The following CAMK1D variants were observed in gnomAD, a reference collection of about 807,000 sequenced individuals.
CAMK1D encodes calcium/calmodulin-dependent protein kinase type 1D.
In CAMK1D, 9 loss-of-function variants were observed where a neutral mutation model predicts 47.7. The observed-to-expected ratio is 0.19, with a 90% CI of 0.11 to 0.33. The LOEUF (loss-of-function observed/expected upper bound fraction) is 0.33. Ranked by LOEUF, CAMK1D falls within the 10% of genes least tolerant of loss-of-function variation. CAMK1D has a pLI of 1.00. For synonymous variants in CAMK1D, 184 were observed against 184.9 expected, an observed-to-expected ratio of 0.99 and a Z score of 0.04; for missense variants, 291 against 488.7, an observed-to-expected ratio of 0.60 and a Z score of 3.81.
intron 1 of CAMK1D, among the ~76,000 whole-genome samples, chr10:12,531,654 G>A (rs965094411): frequency 6.6e-6 from 1 of 152,200 alleles, no homozygotes; most frequent in Non-Finnish European, 1.5e-5. Flanking sequence ...TCACTCCTTC[G>A]AGGCCTAACT....
chr10:12,619,582 C>G (rs1231424561), intron 2 of CAMK1D, among the ~76,000 whole-genome samples: 1 of 151,910 alleles, frequency 6.6e-6, no homozygotes, highest in African/African-American at 2.4e-5. Flanking sequence ...GCTACCATCC[C>G]CTACTTGGAT....
intron 6 of CAMK1D, among the ~76,000 whole-genome samples, chr10:12,792,953 T>G (rs1198527894): frequency 9.7e-6 from 1 of 103,256 alleles, no homozygotes; most frequent in Non-Finnish European, 1.8e-5. Flanking sequence ...AAATCACATG[T>G]GTGCGCGCAC....
At chr10:12,455,679 G>C (rs1833221045) in intron 1 of CAMK1D, among the ~76,000 whole-genome samples, 1 of 152,178 alleles carries the variant, frequency 6.6e-6, no homozygotes, top group Non-Finnish European at 1.5e-5. Flanking sequence ...GTTGTTTCCA[G>C]TTTGGGACAA....
At chr10:12,820,633 G>A (rs988274930) in intron 8 of CAMK1D, among the ~76,000 whole-genome samples, 3 of 152,100 alleles carry the variant, frequency 2.0e-5, no homozygotes, top group East Asian at 1.9e-4. Context: ...CAGGGCCACC[G>A]AGGGCGAGGG....
At chr10:12,571,548 C>T (rs1372790123) in intron 2 of CAMK1D, among the ~76,000 whole-genome samples, 1 of 151,932 alleles carries the variant, frequency 6.6e-6, no homozygotes, top group Non-Finnish European at 1.5e-5. Flanking sequence ...GAAGCTGGAT[C>T]CCCCGGTGAT....
chr10:12,816,592 C>T (rs1331571173), intron 8 of CAMK1D, among the ~76,000 whole-genome samples: 1 of 151,950 alleles, frequency 6.6e-6, no homozygotes, highest in Non-Finnish European at 1.5e-5. Context: ...TACCAGAGGC[C>T]AGGCATGGTG....
At chr10:12,430,390 C>T (rs1588477173) in intron 1 of CAMK1D, among the ~76,000 whole-genome samples, 2 of 152,224 alleles carry the variant, frequency 1.3e-5, no homozygotes, top group Non-Finnish European at 1.5e-5. Flanking sequence ...GTCCTTTGGC[C>T]TCCTGTAGCT....
At chr10:12,649,805 A>AG (rs1839910733) in intron 2 of CAMK1D, among the ~76,000 whole-genome samples, 1 of 152,214 alleles carries the variant, frequency 6.6e-6, no homozygotes, top group Non-Finnish European at 1.5e-5. Flanking sequence ...CTCTGGTCAA[A>AG]TGGACTTTCT....
At chr10:12,732,674 C>CGCCCCG (rs1834946856) in intron 3 of CAMK1D, among the ~76,000 whole-genome samples, 1 of 141,166 alleles carries the variant, frequency 7.1e-6, no homozygotes, top group Non-Finnish European at 1.5e-5. Flanking sequence ...ACCCCCGCCC[C>CGCCCCG]CCCCGCCCCC....
intron 1 of CAMK1D, among the ~76,000 whole-genome samples, chr10:12,395,440 C>T (rs1022090258): frequency 6.6e-6 from 1 of 152,010 alleles, no homozygotes; most frequent in Non-Finnish European, 1.5e-5. Flanking sequence ...CCTCATTAGC[C>T]CACAAAAGAC....
intron 5 of CAMK1D, among the ~76,000 whole-genome samples, chr10:12,772,321 G>C (rs1012402941): frequency 6.6e-6 from 1 of 152,100 alleles, no homozygotes; most frequent in Non-Finnish European, 1.5e-5. Context: ...AAAATGAAAA[G>C]GTCTGTTAGG....
intron 5 of CAMK1D, among the ~76,000 whole-genome samples, chr10:12,786,424 A>G (rs1391894736): frequency 6.6e-6 from 1 of 152,244 alleles, no homozygotes; most frequent in East Asian, 1.9e-4. Context: ...CATATTCTTG[A>G]CACAAATATG....
rs1833438193 is a variant in CAMK1D at position 12,832,625 on chromosome 10, A to G, written c.*3738A>G. 1 of 152,174 alleles carries G rather than the reference A, an allele frequency of 6.6e-6. No individual in the cohort carries two copies. Among genetic ancestry groups the G allele is most frequent in the South Asian group, 2.1e-4 (1 of 4,820 alleles). The allele number at this position is 152,174 out of a possible 1,614,324, so 9.4% of individuals were successfully genotyped here. On this transcript the variant is annotated 3_prime_UTR_variant, in exon 11 of 11. Coordinates refer to ENST00000619168, the MANE Select transcript of CAMK1D (RefSeq NM_153498.4). ...GAGCTATGGCAAAGCGTGCCATACA[A>G]AGTTAAAAAAAGGAAGAGTGGCTTT...
At chr10:12,751,405 C>T (rs1358012137) in intron 3 of CAMK1D, among the ~76,000 whole-genome samples, 1 of 152,204 alleles carries the variant, frequency 6.6e-6, no homozygotes, top group Non-Finnish European at 1.5e-5. Flanking sequence ...AGGAGCTCCA[C>T]CCCGCTTGGC....
At chr10:12,495,727 T>A (rs1184490514) in intron 1 of CAMK1D, among the ~76,000 whole-genome samples, 1 of 152,236 alleles carries the variant, frequency 6.6e-6, no homozygotes, top group Admixed American at 6.5e-5. Context: ...GGAGTCATTG[T>A]TGTCTGTTGA....
intron 1 of CAMK1D, among the ~76,000 whole-genome samples, chr10:12,440,738 C>T (rs1832763206): frequency 1.3e-5 from 2 of 152,162 alleles, no homozygotes; most frequent in Admixed American, 6.5e-5. Flanking sequence ...CCTTGGGCAA[C>T]ACACAGGTGA....
intron 9 of CAMK1D, 33 bp from the exon 10 acceptor site, chr10:12,825,540 A>G: frequency 6.3e-7 from 1 of 1,599,358 alleles, no homozygotes; most frequent in Non-Finnish European, 8.5e-7. Flanking sequence ...TAGCTGAAAT[A>G]TTTGTCTGCT....
chr10:12,585,915 A>T (rs1837803448), intron 2 of CAMK1D, among the ~76,000 whole-genome samples: 2 of 152,262 alleles, frequency 1.3e-5, no homozygotes, highest in Admixed American at 6.5e-5. Flanking sequence ...TCCTCTTCTC[A>T]TTGGCTGATG....
intron 2 of CAMK1D, among the ~76,000 whole-genome samples, chr10:12,613,526 C>T (rs185021943): frequency 1.3e-5 from 2 of 152,334 alleles, no homozygotes; most frequent in Non-Finnish European, 2.9e-5. Context: ...TCGGTATCTA[C>T]CAATTTGCTT....
Sources: allele counts gnomAD v4.1 joint callset (sites outside exome capture counted in the v4.1 genomes callset), GRCh38; gene constraint gnomAD v4.1.1; transcripts MANE v1.5; gene names NCBI Gene and HGNC (gene_info 2026-07-23, HGNC 2026-07-21).